The following THSD7B variants were observed in gnomAD, a reference collection of about 807,000 sequenced individuals.
THSD7B encodes thrombospondin type 1 domain containing 7B, also known as thrombospondin type-1 domain-containing protein 7B.
Under a neutral mutation model 213.6 loss-of-function variants are expected in THSD7B, and 138 were observed. That is an observed-to-expected ratio of 0.65 (90% CI 0.56 to 0.74). The LOEUF (loss-of-function observed/expected upper bound fraction) is 0.74. Ranked by LOEUF, THSD7B falls within the 30% of genes least tolerant of loss-of-function variation. The probability of loss-of-function intolerance (pLI) is 0.00; values close to 1 mark genes in which losing one functional copy is unlikely to be tolerated. For missense variants in THSD7B, 1,931 were observed against 1,991.5 expected (o/e 0.97, Z 0.58); for synonymous variants, 742 against 687.0 (o/e 1.08, Z -1.25).
At chr2:137,462,368 C>T (rs1158064951) in intron 15 of THSD7B, among the ~76,000 whole-genome samples, 1 of 152,016 alleles carries the variant, frequency 6.6e-6, no homozygotes, top group Non-Finnish European at 1.5e-5. Context: ...CCCTCTTGAG[C>T]TAAATAATTA....
chr2:137,046,726 G>A (rs1191497021), intron 2 of THSD7B, among the ~76,000 whole-genome samples: 22 of 115,294 alleles, frequency 1.9e-4, no homozygotes, highest in Admixed American at 3.2e-4. Context: ...GTGAAACTCC[G>A]TCTCAAAAAA....
Position 137,075,648 on chromosome 2 carries a change from G to T in THSD7B, c.950+18418G>T, listed in dbSNP as rs58463436. Among the ~76,000 whole-genome samples, 3,351 of 152,272 alleles carry T rather than the reference G, an allele frequency of 0.022. 243 individuals are homozygous for T. In the East Asian group the frequency reaches 0.26, roughly 12 times the overall value. ...TGGTGAGGAGCTGCGTTCCTTTGGA[G>T]CAGGAGAGGCGCTCTGATTTTTAGA... On this transcript the variant is annotated intron_variant, in intron 3 of 27. Coordinates refer to ENST00000409968, the MANE Select transcript of THSD7B (RefSeq NM_001316349.2).
intron 2 of THSD7B, among the ~76,000 whole-genome samples, chr2:136,908,445 T>A (rs1270436379): frequency 5.9e-5 from 9 of 152,198 alleles, no homozygotes; most frequent in Non-Finnish European, 1.3e-4. Flanking sequence ...TGAACTAGAA[T>A]ATAATTGATA....
At chr2:136,856,170 T>C (rs1425608862) in intron 1 of THSD7B, among the ~76,000 whole-genome samples, 2 of 152,210 alleles carry the variant, frequency 1.3e-5, no homozygotes, top group Non-Finnish European at 2.9e-5. Flanking sequence ...GGACAGTCAC[T>C]GGCATATGGT....
intron 12 of THSD7B, among the ~76,000 whole-genome samples, chr2:137,387,788 A>G (rs1302501922): frequency 6.6e-6 from 1 of 152,170 alleles, no homozygotes; most frequent in Non-Finnish European, 1.5e-5. Flanking sequence ...ATTTTATTCT[A>G]CCTAACCATT....
At chr2:137,495,198 A>G (rs1419075826) in intron 15 of THSD7B, among the ~76,000 whole-genome samples, 1 of 152,176 alleles carries the variant, frequency 6.6e-6, no homozygotes, top group Non-Finnish European at 1.5e-5. Context: ...ATGCATAATA[A>G]CTTTAATAAA....
At chr2:137,348,503 T>C (rs892484467) in intron 12 of THSD7B, among the ~76,000 whole-genome samples, 3 of 151,650 alleles carry the variant, frequency 2.0e-5, no homozygotes, top group Non-Finnish European at 4.4e-5. Context: ...AGAAATGTCC[T>C]TATGTTGCAC....
chr2:136,797,094 T>C (rs1682083088), intron 1 of THSD7B, among the ~76,000 whole-genome samples: 1 of 151,928 alleles, frequency 6.6e-6, no homozygotes, highest in South Asian at 2.1e-4. Flanking sequence ...TGGAACTTTT[T>C]TTATAGAAAC....
At chr2:137,360,620 A>C (rs951452499) in intron 12 of THSD7B, among the ~76,000 whole-genome samples, 4 of 152,140 alleles carry the variant, frequency 2.6e-5, no homozygotes, top group Non-Finnish European at 4.4e-5. Flanking sequence ...TGCTAGTCCA[A>C]GATTGAACTG....
At chr2:137,108,917 G>T (rs1348465406) in intron 4 of THSD7B, among the ~76,000 whole-genome samples, 1 of 152,112 alleles carries the variant, frequency 6.6e-6, no homozygotes, top group Non-Finnish European at 1.5e-5. Flanking sequence ...TTGTGATTTT[G>T]TTCCCTTTCC....
intron 10 of THSD7B, among the ~76,000 whole-genome samples, chr2:137,259,295 C>G (rs1400835341): frequency 6.6e-6 from 1 of 152,176 alleles, no homozygotes; most frequent in East Asian, 1.9e-4. Context: ...ACTTTATACT[C>G]CCACCAAAAG....
chr2:136,947,778 G>T (rs983963840), intron 2 of THSD7B, among the ~76,000 whole-genome samples: 4 of 152,190 alleles, frequency 2.6e-5, no homozygotes, highest in African/African-American at 9.7e-5. Context: ...ATGTTTACAT[G>T]TTTTTTGCCT....
At chr2:136,814,163 A>G (rs989135139) in intron 1 of THSD7B, among the ~76,000 whole-genome samples, 1 of 152,218 alleles carries the variant, frequency 6.6e-6, no homozygotes, top group East Asian at 1.9e-4. Flanking sequence ...CATGAACTGC[A>G]TAAATTGCTT....
chr2:136,843,571 GAC>G (rs779888311), intron 1 of THSD7B, among the ~76,000 whole-genome samples: 32 of 152,272 alleles, frequency 2.1e-4, no homozygotes, highest in Non-Finnish European at 3.5e-4. Flanking sequence ...TGATAAATAA[GAC>G]AGAGATATTG....
intron 12 of THSD7B, among the ~76,000 whole-genome samples, chr2:137,367,439 C>A (rs1230441165): frequency 6.6e-6 from 1 of 152,076 alleles, no homozygotes; most frequent in Non-Finnish European, 1.5e-5. Flanking sequence ...TTACAGCTGT[C>A]ACCCCTATGC....
chr2:137,125,527 C>T (rs888105704), intron 5 of THSD7B, among the ~76,000 whole-genome samples: 1 of 152,198 alleles, frequency 6.6e-6, no homozygotes, highest in Non-Finnish European at 1.5e-5. Flanking sequence ...CTTGCTATTT[C>T]TACCACATGT....
intron 21 of THSD7B, among the ~76,000 whole-genome samples, chr2:137,647,275 G>A (rs957784561): frequency 8.5e-5 from 13 of 152,270 alleles, no homozygotes; most frequent in African/African-American, 2.9e-4. Flanking sequence ...AGAAGGAGGA[G>A]ACACTCAGTT....
chr2:137,560,437 T>C lies in THSD7B; in HGVS notation c.3139-2784T>C, dbSNP rs181246164. ...GGGACATGGATGAAGCTGGAAACCA[T>C]CATTCTCAGCAAACTATCTCAAGGA... On this transcript the variant is annotated intron_variant, in intron 15 of 27. Coordinates refer to ENST00000409968, the MANE Select transcript of THSD7B (RefSeq NM_001316349.2). Among the ~76,000 whole-genome samples the C allele has an allele frequency of 1.0e-3, 158 of 152,146 alleles. 2 individuals carry two copies. The highest frequency in any genetic ancestry group is 3.4e-3 in the Middle Eastern group (1 of 294).
chr2:136,812,800 A>C (rs960552795), intron 1 of THSD7B, among the ~76,000 whole-genome samples: 1 of 152,218 alleles, frequency 6.6e-6, no homozygotes. Context: ...ATAATGATTT[A>C]TTACTACTAA....
Sources: gnomAD v4.1 joint callset for allele counts (sites outside exome capture counted in the v4.1 genomes callset) on GRCh38, gnomAD v4.1.1 for gene constraint, MANE v1.5 for transcripts, NCBI Gene and HGNC (gene_info 2026-07-23, HGNC 2026-07-21) for gene names.